Variants in SMOC1 observed in about 807,000 individuals in gnomAD.
SMOC1 encodes SPARC-related modular calcium-binding protein 1.
A neutral mutation model predicts 56.3 loss-of-function variants in SMOC1; 22 were observed. The observed-to-expected ratio is 0.39, with a 90% CI of 0.28 to 0.56. The LOEUF (loss-of-function observed/expected upper bound fraction) is 0.56, where lower values mean the gene tolerates loss of function less well. SMOC1 is among the 20% of genes least tolerant of loss of function. The probability of loss-of-function intolerance (pLI) is 0.61; values close to 1 mark genes in which losing one functional copy is unlikely to be tolerated. For synonymous variants in SMOC1, 193 were observed against 215.0 expected (o/e 0.90, Z 0.89); for missense variants, 509 against 565.4 (o/e 0.90, Z 1.01).
At chr14:69,979,698 C>T (rs1884104524) in intron 5 of SMOC1, among the ~76,000 whole-genome samples, 1 of 152,096 alleles carries the variant, frequency 6.6e-6, no homozygotes, top group Non-Finnish European at 1.5e-5. Context: ...CTCCTGGGCT[C>T]AAGCAATTCT....
intron 1 of SMOC1, among the ~76,000 whole-genome samples, chr14:69,932,987 T>C (rs1675383180): frequency 6.6e-6 from 1 of 152,104 alleles, no homozygotes; most frequent in African/African-American, 2.4e-5. Context: ...CAAATCAGAC[T>C]GCATCCTCAG....
chr14:69,903,434 A>G (rs1303700175), intron 1 of SMOC1, among the ~76,000 whole-genome samples: 3 of 152,262 alleles, frequency 2.0e-5, no homozygotes, highest in Non-Finnish European at 4.4e-5. Flanking sequence ...ACGGGCCATG[A>G]TGACGATGGC....
chr14:70,010,175 G>A lies in SMOC1; in HGVS notation c.665-579G>A, dbSNP rs2139585303. Among the ~76,000 whole-genome samples the A allele has an allele frequency of 2.0e-5, 3 of 152,342 alleles. 1 individual carries two copies. The Middle Eastern group carries it at 0.01, about 518-fold the overall frequency. ...TGTGTAATTCACTGAAATTCACTCG[G>A]CCTACTTTGTCCAGCAGCCTTGGAG... On this transcript the variant is annotated intron_variant, in intron 7 of 11. Transcript: ENST00000361956.
intron 1 of SMOC1, among the ~76,000 whole-genome samples, chr14:69,921,262 A>ATT (rs2139367942): frequency 6.6e-6 from 1 of 152,264 alleles, no homozygotes; most frequent in African/African-American, 2.4e-5. Context: ...CATCATGGGC[A>ATT]AGATCTTGCA....
At chr14:70,030,181 T>A in intron 11 of SMOC1, 61 bp from the exon 12 acceptor site, 2 of 1,607,478 alleles carry the variant, frequency 1.2e-6, no homozygotes, top group Middle Eastern at 1.7e-4. Context: ...CTCTAACTTC[T>A]TGCTTATATC....
At chr14:70,006,024 G>T (rs140862509) in intron 7 of SMOC1, among the ~76,000 whole-genome samples, 1 of 152,246 alleles carries the variant, frequency 6.6e-6, no homozygotes, top group African/African-American at 2.4e-5. Flanking sequence ...CACAAAATAG[G>T]CCCCCTGTCT....
intron 1 of SMOC1, among the ~76,000 whole-genome samples, chr14:69,940,089 T>TC (rs1882490517): frequency 6.6e-6 from 1 of 152,230 alleles, no homozygotes; most frequent in African/African-American, 2.4e-5. Flanking sequence ...TCCCACTTTG[T>TC]CCAGAATCTC....
At chr14:70,007,169 C>G (rs1885175813) in intron 7 of SMOC1, among the ~76,000 whole-genome samples, 1 of 152,210 alleles carries the variant, frequency 6.6e-6, no homozygotes, top group Admixed American at 6.5e-5. Context: ...AGCTCTGCCA[C>G]TTCCTAGTTC....
chr14:70,016,522 AAG>A (rs1268904604), intron 10 of SMOC1, among the ~76,000 whole-genome samples: 1 of 152,184 alleles, frequency 6.6e-6, no homozygotes, highest in Non-Finnish European at 1.5e-5. Flanking sequence ...AGGGAGAAGA[AAG>A]AGAGAAACTG....
chr14:69,913,222 G>A (rs1342684005), intron 1 of SMOC1, among the ~76,000 whole-genome samples: 1 of 152,092 alleles, frequency 6.6e-6, no homozygotes, highest in Admixed American at 6.5e-5. Context: ...ATCTCTTTCC[G>A]CTCTGCTAGA....
chr14:70,017,406 T>C (rs1336619304), intron 10 of SMOC1, among the ~76,000 whole-genome samples: 1 of 152,080 alleles, frequency 6.6e-6, no homozygotes, highest in African/African-American at 2.4e-5. Flanking sequence ...ACGAAGACAA[T>C]TAGGAAATCC....
chr14:69,969,563 G>A (rs1222594094), intron 3 of SMOC1, among the ~76,000 whole-genome samples: 1 of 152,132 alleles, frequency 6.6e-6, no homozygotes, highest in Non-Finnish European at 1.5e-5. Context: ...AAACATTCAT[G>A]AGAAACCCAG....
At chr14:69,969,521 C>A (rs1047525168) in intron 3 of SMOC1, among the ~76,000 whole-genome samples, 1 of 152,108 alleles carries the variant, frequency 6.6e-6, no homozygotes, top group Non-Finnish European at 1.5e-5. Context: ...CAAGAACTCA[C>A]CCGCTGTCGT....
In SMOC1 at chr14:69,891,162, G is replaced by C. The variant is rs1883949506; in HGVS notation, c.99+11385G>C. Among the ~76,000 whole-genome samples the C allele has an allele frequency of 2.0e-5, 3 of 152,266 alleles. No homozygotes were observed. The South Asian group carries it at 6.2e-4, about 32-fold the overall frequency. ...ACATAAAGGTTGAAAGCATGCAAAA[G>C]CTATATTGTTTAGATGTAAAAAATG... On this transcript the variant is annotated intron_variant, in intron 1 of 11. Coordinates refer to ENST00000361956, the MANE Select transcript of SMOC1 (RefSeq NM_001034852.3).
At chr14:69,938,053 C>G (rs946439487) in intron 1 of SMOC1, among the ~76,000 whole-genome samples, 1 of 152,148 alleles carries the variant, frequency 6.6e-6, no homozygotes, top group African/African-American at 2.4e-5. Context: ...CTGTTATCTC[C>G]CTTGTCAGTG....
At chr14:69,895,839 C>CTTTTTTTTTTCCTTCCTTCTCT (rs11376674) in intron 1 of SMOC1, among the ~76,000 whole-genome samples, 1 of 144,056 alleles carries the variant, frequency 6.9e-6, no homozygotes, top group African/African-American at 2.6e-5. Context: ...CAGTTTGTAC[C>CTTTTTTTTTTCCTTCCTTCTCT]TTTTTTTTTC....
At chr14:69,978,389 A>C (rs11158825) in intron 5 of SMOC1, among the ~76,000 whole-genome samples, 1 of 152,156 alleles carries the variant, frequency 6.6e-6, no homozygotes, top group East Asian at 1.9e-4. Context: ...ATGCTCCTTC[A>C]TAATTGTCCC....
intron 3 of SMOC1, among the ~76,000 whole-genome samples, chr14:69,953,771 G>T (rs1258209094): frequency 6.6e-6 from 1 of 152,220 alleles, no homozygotes; most frequent in African/African-American, 2.4e-5. Context: ...CAGGAAACTG[G>T]CATTGCTTGG....
At chr14:69,902,689 G>A (rs1020631299) in intron 1 of SMOC1, among the ~76,000 whole-genome samples, 6 of 152,008 alleles carry the variant, frequency 3.9e-5, no homozygotes, top group African/African-American at 1.2e-4. Context: ...CTGTACTGCC[G>A]CCATCTCTGC....
Sources: allele counts gnomAD v4.1 joint callset (sites outside exome capture counted in the v4.1 genomes callset), GRCh38; gene constraint gnomAD v4.1.1; transcripts MANE v1.5; gene names NCBI Gene and HGNC (gene_info 2026-07-23, HGNC 2026-07-21).